The following DAOA variants were observed in gnomAD, a reference collection of about 807,000 sequenced individuals.
The protein encoded by DAOA is D-amino acid oxidase regulator.
DAOA carries 15 observed loss-of-function variants against 16.4 expected under a neutral mutation model. The ratio of observed to expected loss-of-function variants is 0.91; its 90% CI spans 0.61 to 1.41. The LOEUF (loss-of-function observed/expected upper bound fraction) is 1.41, where lower values mean the gene tolerates loss of function less well. DAOA is among the 40% of genes most tolerant of loss of function. The pLI, the probability that DAOA is intolerant of heterozygous loss-of-function variation, is 0.00. For synonymous variants in DAOA, 75 were observed against 59.1 expected (o/e 1.27, Z -1.23); for missense variants, 230 against 176.8 (o/e 1.30, Z -1.71).
chr13:105,475,635 TCA>T (rs1159842196), intron 4 of DAOA, among the ~76,000 whole-genome samples: 2 of 152,152 alleles, frequency 1.3e-5, no homozygotes, highest in Non-Finnish European at 2.9e-5. Context: ...TAAAAATATC[TCA>T]GATTGATAAA....
intron 4 of DAOA, among the ~76,000 whole-genome samples, chr13:105,482,914 A>G (rs887724135): frequency 2.0e-5 from 3 of 152,168 alleles, no homozygotes; most frequent in African/African-American, 4.8e-5. Flanking sequence ...TTTAAAATGT[A>G]TAATTGGATA....
intron 3 of DAOA, among the ~76,000 whole-genome samples, chr13:105,472,142 C>A (rs530832950): frequency 6.6e-6 from 1 of 152,176 alleles, no homozygotes; most frequent in South Asian, 2.1e-4. Flanking sequence ...ACTATTTCAT[C>A]GTGAGGTTTG....
intron 4 of DAOA, chr13:105,475,071 G>A: frequency 1.0e-6 from 1 of 984,230 alleles, no homozygotes; most frequent in South Asian, 4.7e-5. Context: ...AGACACTGAG[G>A]TAAAGATGTT....
At chr13:105,479,371 C>A (rs1287792090) in intron 4 of DAOA, among the ~76,000 whole-genome samples, 3 of 152,148 alleles carry the variant, frequency 2.0e-5, no homozygotes, top group African/African-American at 7.2e-5. Flanking sequence ...TTTGTATTAG[C>A]TTTTTAGGGC....
intron 5 of DAOA, 77 bp downstream of exon 5, chr13:105,490,269 G>T (rs1878426577): frequency 1.4e-6 from 1 of 712,300 alleles, no homozygotes; most frequent in South Asian, 6.5e-5. Flanking sequence ...TTTTTATGAA[G>T]ATTTGTTACA....
At chr13:105,488,383 A>G (rs1012360007) in intron 4 of DAOA, among the ~76,000 whole-genome samples, 2 of 152,224 alleles carry the variant, frequency 1.3e-5, no homozygotes, top group Non-Finnish European at 1.5e-5. Flanking sequence ...AATCTTTTTC[A>G]TCCCGTTCTG....
At chr13:105,486,872 G>A (rs762201072) in intron 4 of DAOA, among the ~76,000 whole-genome samples, 1 of 152,030 alleles carries the variant, frequency 6.6e-6, no homozygotes, top group African/African-American at 2.4e-5. Context: ...TGCCCACTTC[G>A]GCATCCCATA....
At chr13:105,479,924 A>T (rs1458916979) in intron 4 of DAOA, among the ~76,000 whole-genome samples, 1 of 152,176 alleles carries the variant, frequency 6.6e-6, no homozygotes. Context: ...ATTGCAATAC[A>T]GTTGGAGTCA....
At chr13:105,489,218 T>G (rs757011863) in intron 4 of DAOA, among the ~76,000 whole-genome samples, 2 of 152,206 alleles carry the variant, frequency 1.3e-5, no homozygotes, top group Non-Finnish European at 2.9e-5. Context: ...GTAAGATGGA[T>G]GTCAAGTTTA....
intron 4 of DAOA, among the ~76,000 whole-genome samples, chr13:105,483,341 C>T (rs1877882393): frequency 6.6e-6 from 1 of 152,168 alleles, no homozygotes; most frequent in Non-Finnish European, 1.5e-5. Context: ...TGAAGATATG[C>T]TTTTACTTCC....
rs746925609 is a variant in DAOA at position 105,472,439 on chromosome 13, C to G, written c.134-99C>G. 2.8e-6 allele frequency: 4 copies of G among 1,406,660 alleles called. No individual in the cohort carries two copies. In the South Asian group the frequency reaches 4.9e-5, roughly 17 times the overall value. The allele number at this position is 1,406,660 out of a possible 1,614,324, so 87.1% of individuals were successfully genotyped here. On this transcript the variant is annotated intron_variant, in intron 3 of 5. Coordinates refer to ENST00000375936, the MANE Select transcript of DAOA (RefSeq NM_172370.5). ...CCTCTGAAAAATTAAGTAAAATGGACAATTCCTACAATCGCTCCACAGTCA... is the reference window on the plus strand; with the variant it reads ...CCTCTGAAAAATTAAGTAAAATGGAGAATTCCTACAATCGCTCCACAGTCA...
At chr13:105,488,641 A>G (rs1377677576) in intron 4 of DAOA, among the ~76,000 whole-genome samples, 1 of 152,200 alleles carries the variant, frequency 6.6e-6, no homozygotes, top group Non-Finnish European at 1.5e-5. Flanking sequence ...TGAAGAGATT[A>G]CTAGTGTGAC....
chr13:105,488,737 G>A (rs1878308035), intron 4 of DAOA, among the ~76,000 whole-genome samples: 1 of 152,116 alleles, frequency 6.6e-6, no homozygotes, highest in Non-Finnish European at 1.5e-5. Context: ...GCCTTCTAAA[G>A]GATTAGGTTA....
intron 2 of DAOA, among the ~76,000 whole-genome samples, chr13:105,466,754 G>A (rs1234153682): frequency 6.6e-6 from 1 of 152,064 alleles, no homozygotes; most frequent in Non-Finnish European, 1.5e-5. Flanking sequence ...AGGGAGAGGC[G>A]CTAGTTTGGA....
chr13:105,468,751 A>G (rs1319584251), intron 3 of DAOA, among the ~76,000 whole-genome samples: 3 of 152,236 alleles, frequency 2.0e-5, no homozygotes, highest in Non-Finnish European at 4.4e-5. Flanking sequence ...AAGGAAAACA[A>G]GCTTATTGTC....
chr13:105,484,313 C>A (rs1877961718), intron 4 of DAOA, among the ~76,000 whole-genome samples: 1 of 151,924 alleles, frequency 6.6e-6, no homozygotes, highest in Non-Finnish European at 1.5e-5. Context: ...ACAGCTGTAA[C>A]AATTCTTTTG....
chr13:105,490,174 A>G lies in DAOA; in HGVS notation c.*93A>G, dbSNP rs561408705. On this transcript the variant is annotated 3_prime_UTR_variant, in exon 5 of 6. Transcript: ENST00000375936. ...GACTCTGACGGACTCTGTGTCTGGGACCCAGCTGATAACACGTGGTAATAT... is the reference window on the plus strand; with the variant it reads ...GACTCTGACGGACTCTGTGTCTGGGGCCCAGCTGATAACACGTGGTAATAT... 7.1e-7 allele frequency: 1 copy of G among 1,400,302 alleles called. No individual in the cohort carries two copies. The highest frequency in any genetic ancestry group is 1.8e-5 in the South Asian group (1 of 56,108). The allele number at this position is 1,400,302 out of a possible 1,614,324, so 86.7% of individuals were successfully genotyped here. A position where few individuals can be genotyped will look rare whatever the true frequency, so the allele number is the denominator to read the frequency against.
At chr13:105,489,424 C>T (rs960766314) in intron 4 of DAOA, among the ~76,000 whole-genome samples, 1 of 152,200 alleles carries the variant, frequency 6.6e-6, no homozygotes, top group Non-Finnish European at 1.5e-5. Context: ...TGAATCAGGT[C>T]TGCTGGGCTT....
Position 105,489,912 on chromosome 13 carries a change from T to A in DAOA, c.293T>A (p.Val98Glu). 1 of 1,613,846 alleles carries A rather than the reference T, an allele frequency of 6.2e-7. No homozygotes were observed. Among genetic ancestry groups the A allele is most frequent in the Non-Finnish European group, 8.5e-7 (1 of 1,179,876 alleles). The change falls in exon 5 of 6, where the codon GTA becomes GAA. Residue 98 changes from valine (V) to glutamate (E), a missense_variant. Val to Glu is a moderately radical substitution (Grantham distance 121). Transcript: ENST00000375936. ...LPQPYAELEE[V>E]SSHVGKVFMA... ...GGATCTCCTTACAGGCTTGAAGAAG[T>A]AAGCAGCCATGTTGGAAAAGTCTTC... is the stretch of plus-strand genomic sequence containing the variant.
Sources: gnomAD v4.1 joint callset for allele counts (sites outside exome capture counted in the v4.1 genomes callset) on GRCh38, gnomAD v4.1.1 for gene constraint, MANE v1.5 for transcripts, NCBI Gene and HGNC (gene_info 2026-07-23, HGNC 2026-07-21) for gene names.